MPHOSPH10: variants seen among roughly 807,000 people sequenced by gnomAD.
The protein encoded by MPHOSPH10 is U3 small nucleolar ribonucleoprotein MPP10.
A neutral mutation model predicts 77.3 loss-of-function variants in MPHOSPH10; 33 were observed. That is an observed-to-expected ratio of 0.43 (90% CI 0.32 to 0.57). The LOEUF is 0.57. MPHOSPH10 is among the 20% of genes least tolerant of loss of function. MPHOSPH10 has a pLI of 0.07. For synonymous variants in MPHOSPH10, 245 were observed against 268.0 expected (o/e 0.91, Z 0.84); for missense variants, 708 against 780.1 (o/e 0.91, Z 1.10).
At chr2:71,149,745 A>T in intron 10 of MPHOSPH10, 121 bp from the exon 11 acceptor site, 1 of 894,630 alleles carries the variant, frequency 1.1e-6, no homozygotes. Flanking sequence ...GTTTTCTGTA[A>T]TTCTAGTCCT....
intron 7 of MPHOSPH10, among the ~76,000 whole-genome samples, chr2:71,143,671 G>A (rs1186784813): frequency 1.3e-5 from 2 of 152,130 alleles, no homozygotes; most frequent in Non-Finnish European, 2.9e-5. Flanking sequence ...TATCTCTGTG[G>A]ATTGGCCTAT....
intron 4 of MPHOSPH10, among the ~76,000 whole-genome samples, chr2:71,135,063 G>A (rs1673458841): frequency 6.6e-6 from 1 of 152,220 alleles, no homozygotes; most frequent in Non-Finnish European, 1.5e-5. Context: ...CTACTCTGGT[G>A]TCTGAGGTGG....
Position 71,138,507 on chromosome 2 carries a change from A to T in MPHOSPH10, c.1116A>T (p.Ala372=), listed in dbSNP as rs143656591. 1.5e-5 allele frequency: 23 copies of T among 1,583,884 alleles called. No homozygotes were observed. The Admixed American group carries it at 1.7e-4, about 12-fold the overall frequency. ...TTTCTTAGATGAATGAAAAAATTGC[A>T]TCTTTAGAAAAAGAGTTGTTAGAAA... ...KRQEKMNEKI[A]SLEKELLEKK... is the part of the protein sequence containing the mutation. Residue 372 remains alanine (A), a synonymous_variant, in exon 5 of 11, where the codon GCA becomes GCT. Transcript: ENST00000244230.
intron 4 of MPHOSPH10, among the ~76,000 whole-genome samples, chr2:71,137,094 A>T (rs1673511159): frequency 6.6e-6 from 1 of 152,134 alleles, no homozygotes; most frequent in Non-Finnish European, 1.5e-5. Flanking sequence ...ACTGCAAGAC[A>T]TTAAGGAGAA....
Position 71,132,987 on chromosome 2 carries a change from G to A in MPHOSPH10, c.179G>A (p.Gly60Glu). Reference protein sequence around the residue: ...NKILENGRIHGSPLQKLVIEN... With the variant: ...NKILENGRIHESPLQKLVIEN... ...ATATTAGAGAATGGTAGGATCCATG[G>A]AAGCCCCTTGCAAAAACTTGTGATA... The change falls in exon 2 of 11, where the codon GGA (glycine) becomes GAA (glutamate). Residue 60 changes from glycine to glutamate, a missense_variant. Gly to Glu is a moderately conservative substitution (Grantham distance 98). Coordinates refer to ENST00000244230, the MANE Select transcript of MPHOSPH10 (RefSeq NM_005791.3). The A allele has an allele frequency of 6.2e-7, 1 of 1,614,090 alleles. No homozygotes were observed. The highest frequency in any genetic ancestry group is 8.5e-7 in the Non-Finnish European group (1 of 1,180,004).
chr2:71,144,928 G>A (rs1673679282), intron 8 of MPHOSPH10, among the ~76,000 whole-genome samples: 1 of 152,204 alleles, frequency 6.6e-6, no homozygotes, highest in Non-Finnish European at 1.5e-5. Flanking sequence ...CAGCATTTAT[G>A]GAGTATCTGC....
At chr2:71,138,990 T>A in intron 5 of MPHOSPH10, 1 of 521,556 alleles carries the variant, frequency 1.9e-6, no homozygotes, top group South Asian at 2.3e-5. Context: ...GCCAAGGTTG[T>A]GCCAGTGTGC....
intron 10 of MPHOSPH10, 51 bp downstream of exon 10, chr2:71,149,504 G>A: frequency 6.6e-7 from 1 of 1,515,634 alleles, no homozygotes; most frequent in East Asian, 2.3e-5. Context: ...TGGGGGAAGT[G>A]GATAGCAAGT....
chr2:71,141,625 G>C (rs1558755477), intron 7 of MPHOSPH10, among the ~76,000 whole-genome samples: 1 of 152,138 alleles, frequency 6.6e-6, no homozygotes, highest in African/African-American at 2.4e-5. Flanking sequence ...AGCAATTATG[G>C]TGGTGCTACA....
intron 4 of MPHOSPH10, among the ~76,000 whole-genome samples, chr2:71,135,996 C>T (rs1180893133): frequency 2.0e-5 from 3 of 152,154 alleles, no homozygotes; most frequent in East Asian, 1.9e-4. Flanking sequence ...TGAGCCACTG[C>T]GCCCAGCGGA....
rs749681230 is a variant in MPHOSPH10, at chr2:71,132,866, A to T, written c.90-32A>T. The T allele has an allele frequency of 7.8e-6, 12 of 1,539,014 alleles. No individual in the cohort carries two copies. The South Asian group carries it at 1.1e-4, about 14-fold the overall frequency. On this transcript the variant is annotated intron_variant, in intron 1 of 10. Transcript: ENST00000244230. ...AGAGTGCTGTGAAATTATTACCTGT[A>T]ATTCTAAATCTCACTTAATTCCTCC...
At chr2:71,133,911 T>A (rs1194833234) in intron 2 of MPHOSPH10, 37 bp from the exon 3 acceptor site, 1 of 1,350,684 alleles carries the variant, frequency 7.4e-7, no homozygotes, top group Non-Finnish European at 1.0e-6. Flanking sequence ...TATTTTTCTA[T>A]CCCTAATTAA....
chr2:71,135,615 G>A (rs114320012), intron 4 of MPHOSPH10, among the ~76,000 whole-genome samples: 1,898 of 149,046 alleles, frequency 0.013, 47 homozygotes, highest in African/African-American at 0.044. Flanking sequence ...TGTATAGCAT[G>A]TCTCTCCTGA....
chr2:71,139,030 G>A (rs1383000450), intron 5 of MPHOSPH10: 16 of 427,392 alleles, frequency 3.7e-5, no homozygotes, highest in Non-Finnish European at 5.5e-5. Context: ...GCAACAGAGC[G>A]ACACTCTGTC....
chr2:71,135,743 C>G (rs1258767722), intron 4 of MPHOSPH10, among the ~76,000 whole-genome samples: 2 of 146,392 alleles, frequency 1.4e-5, no homozygotes, highest in Admixed American at 6.8e-5. Context: ...ACTCTTGTCA[C>G]CCAGGCTGGA....
rs773774620 is a variant in MPHOSPH10, at chr2:71,134,105, CGTGA to C, written c.926+3_926+6del. On this transcript the variant is annotated splice_donor_variant and splice_donor_region_variant and intron_variant, in intron 3 of 10. Transcript: ENST00000244230. LOFTEE classifies it high-confidence loss of function. Reference sequence around the variant, plus strand: ...GCAGAAGAACTAAGTATTTCGGAAACGTGAGTATTTTGAACCATCCTTTACATTG... The same window carrying C: ...GCAGAAGAACTAAGTATTTCGGAAACGTATTTTGAACCATCCTTTACATTG... 2.2e-5 allele frequency: 35 copies of C among 1,603,198 alleles called. No individual in the cohort carries two copies. The East Asian group carries it at 7.0e-4, about 32-fold the overall frequency.
intron 4 of MPHOSPH10, among the ~76,000 whole-genome samples, chr2:71,136,104 T>C (rs925856937): frequency 2.0e-5 from 3 of 152,244 alleles, no homozygotes; most frequent in African/African-American, 7.2e-5. Context: ...TCAAAGTTGG[T>C]AAAAATTGTT....
Position 71,134,086 on chromosome 2 carries a change from G to T in MPHOSPH10, c.907G>T (p.Glu303Ter). ...DDEIAEEEAE[E>*]LSISETDEDD... is the part of the protein sequence containing the mutation. The stretch of plus-strand genomic sequence containing the variant: ...TGAAATTGCTGAAGAAGAAGCAGAA[G>T]AACTAAGTATTTCGGAAACGTGAGT... The change falls in exon 3 of 11, where the codon GAA (glutamate) becomes TAA (stop). Residue 303 changes from glutamate (E) to a stop codon, truncating the protein, a stop_gained. Transcript: ENST00000244230. LOFTEE classifies it high-confidence loss of function. The T allele has an allele frequency of 6.2e-7, 1 of 1,605,446 alleles. No individual in the cohort carries two copies. Among genetic ancestry groups the T allele is most frequent in the South Asian group, 1.1e-5 (1 of 88,908 alleles).
intron 4 of MPHOSPH10, among the ~76,000 whole-genome samples, chr2:71,138,008 G>A (rs940636596): frequency 1.3e-5 from 2 of 152,210 alleles, no homozygotes; most frequent in South Asian, 2.1e-4. Context: ...CAGGAGAATT[G>A]CTCAGGAGAC....
Sources: allele counts gnomAD v4.1 joint callset (sites outside exome capture counted in the v4.1 genomes callset), GRCh38; gene constraint gnomAD v4.1.1; transcripts MANE v1.5; gene names NCBI Gene and HGNC (gene_info 2026-07-23, HGNC 2026-07-21).